The following PATZ1 variants were observed in gnomAD, a reference collection of about 807,000 sequenced individuals.
The protein encoded by PATZ1 is POZ/BTB and AT hook containing zinc finger 1, also known as POZ-, AT hook-, and zinc finger-containing protein 1.
Under a neutral mutation model 46.2 loss-of-function variants are expected in PATZ1, and 9 were observed. The ratio of observed to expected loss-of-function variants is 0.19; its 90% confidence interval spans 0.12 to 0.34. The LOEUF is 0.34. Among genes scored for constraint, PATZ1 ranks in the 10% least tolerant of loss-of-function variants. PATZ1 has a pLI of 1.00. For synonymous variants in PATZ1, 426 were observed against 378.6 expected (o/e 1.13, Z -1.45); for missense variants, 632 against 923.0 (o/e 0.68, Z 4.08).
rs574072107 is a variant in PATZ1, at chr22:31,327,702, C to T, written c.1646-393G>A. Among the ~76,000 whole-genome samples the T allele has an allele frequency of 1.3e-5, 2 of 152,216 alleles. No individual in the cohort carries two copies. Among genetic ancestry groups the T allele is most frequent in the Non-Finnish European group, 1.5e-5 (1 of 68,008 alleles). ...GGTAAAATTGGTATTCTGATGATGC[C>T]GAGCCAGTGTAATAGTAGCCTCGCC... On this transcript the variant is annotated intron_variant, in intron 4 of 4. Coordinates refer to ENST00000266269, the MANE Select transcript of PATZ1 (RefSeq NM_014323.3). The surrounding 1 kb of genome is among the most constrained non-coding windows in gnomAD (Gnocchi z 4.2).
chr22:31,342,575 CACA>C (rs1002298114), intron 2 of PATZ1, among the ~76,000 whole-genome samples: 4 of 152,150 alleles, frequency 2.6e-5, no homozygotes, highest in African/African-American at 9.7e-5. Flanking sequence ...GGTCTCCCAA[CACA>C]ACATCTGTGT....
chr22:31,341,778 A>G, intron 2 of PATZ1: 4 of 1,032,296 alleles, frequency 3.9e-6, no homozygotes, highest in Non-Finnish European at 5.7e-6. Context: ...CGGGCTAATC[A>G]GCACACTACC....
rs756897046 is a variant in PATZ1, at chr22:31,345,571, G to T, written c.32C>A (p.Pro11Gln). The T allele has an allele frequency of 1.9e-6, 3 of 1,597,668 alleles. No homozygotes were observed. In the African/African-American group the frequency reaches 4.0e-5, roughly 21 times the overall value. Residue 11 changes from proline to glutamine, a missense_variant, in exon 1 of 5, where the codon CCG becomes CAG. By Grantham distance (76) the Pro-to-Gln change is moderately conservative (BLOSUM62 -1). Coordinates refer to ENST00000266269, the MANE Select transcript of PATZ1 (RefSeq NM_014323.3). The surrounding 1 kb of genome is among the most constrained non-coding windows in gnomAD (Gnocchi z 7.4). MERVNDASCG[P>Q]SGCYTYQVSR... ...CACCTGGTATGTGTAGCAGCCAGAC[G>T]GGCCGCACGAAGCGTCGTTCACCCG... is the stretch of plus-strand genomic sequence containing the variant.
chr22:31,341,588 C>T (rs757530220), intron 2 of PATZ1: 3 of 1,614,018 alleles, frequency 1.9e-6, no homozygotes, highest in African/African-American at 1.3e-5. Flanking sequence ...CCGAATGGGA[C>T]GACCTCCACA....
chr22:31,335,936 T>C (rs2049503768), intron 2 of PATZ1, 73 bp from the exon 3 acceptor site: 3 of 1,436,932 alleles, frequency 2.1e-6, no homozygotes, highest in Admixed American at 3.6e-5. Flanking sequence ...AAGTGCACCA[T>C]GAAGCAAAGG....
intron 1 of PATZ1, among the ~76,000 whole-genome samples, chr22:31,344,050 G>A (rs990243319): frequency 6.6e-6 from 1 of 152,220 alleles, no homozygotes; most frequent in Non-Finnish European, 1.5e-5. Context: ...AGCCCTGGGG[G>A]AAGAATGGTG....
At chr22:31,344,082 AG>A (rs1367908558) in intron 1 of PATZ1, among the ~76,000 whole-genome samples, 1 of 152,194 alleles carries the variant, frequency 6.6e-6, no homozygotes, top group Non-Finnish European at 1.5e-5. Flanking sequence ...CTCTGGCCTG[AG>A]GAATCCGGCC....
In PATZ1 at chr22:31,327,004, G is replaced by T; in HGVS notation, c.1951C>A (p.Gln651Lys). Residue 651 changes from glutamine (Q) to lysine (K), a missense_variant, in exon 5 of 5, where the codon CAG becomes AAG. Gln to Lys is a moderately conservative substitution (Grantham distance 53). Around this residue, in one of 7 missense-constraint regions of PATZ1, gnomAD observed 176 missense variants for 249.4 expected, o/e 0.71. Coordinates refer to ENST00000266269, the MANE Select transcript of PATZ1 (RefSeq NM_014323.3). This position sits in a 1 kb window ranked among gnomAD's most constrained non-coding sequence, Gnocchi z 4.2. ...AAGGACTCGAGGAGAGACATGTTCT[G>T]CTGAGGAGAGAAAGGTGAGCCAAGG... ...PALGSPFSPQ[Q>K]NMSLLESFGF... The T allele has an allele frequency of 6.2e-7, 1 of 1,614,212 alleles. No homozygotes were observed. The highest frequency in any genetic ancestry group is 1.1e-5 in the South Asian group (1 of 91,086).
chr22:31,342,787 CGGTG>C, intron 2 of PATZ1, 106 bp downstream of exon 2: 1 of 1,119,766 alleles, frequency 8.9e-7, no homozygotes, highest in Admixed American at 1.9e-5. Context: ...GTGTGCAAAG[CGGTG>C]GGCGGTCAGC....
In PATZ1 at chr22:31,335,815, C is replaced by T; in HGVS notation, c.1384G>A (p.Ala462Thr). ...ATRDRLRSHL[A>T]CHEDKVPCQV... ...CAGGGCACCTTGTCTTCATGACAGG[C>T]CAGGTGGGAGCGCAGACGGTCTCGG... Residue 462 changes from alanine (A) to threonine (T), a missense_variant, in exon 3 of 5, where the codon GCC (alanine) becomes ACC (threonine). Around this residue, in one of 7 missense-constraint regions of PATZ1, gnomAD observed 55 missense variants for 169.0 expected, o/e 0.33. Coordinates refer to ENST00000266269, the MANE Select transcript of PATZ1 (RefSeq NM_014323.3). 1 of 1,614,020 alleles carries T rather than the reference C, an allele frequency of 6.2e-7. No homozygotes were observed. Among genetic ancestry groups the T allele is most frequent in the Non-Finnish European group, 8.5e-7 (1 of 1,179,982 alleles).
Position 31,344,726 on chromosome 22 carries a change from G to A in PATZ1, c.877C>T (p.Pro293Ser). ...AACACCTTACCACATAGACCGCATG[G>A]AAGGATGCCTGCCTCCCTCAGGCCC... is the stretch of plus-strand genomic sequence containing the variant. ...PGGLREAGIL[P>S]CGLCGKVFTD... is the part of the protein sequence containing the mutation. Residue 293 changes from proline (P) to serine (S), a missense_variant, in exon 1 of 5, where the codon CCA becomes TCA. Physicochemically the swap from Pro to Ser is moderately conservative, Grantham distance 74. Transcript: ENST00000266269. 1.2e-6 allele frequency: 2 copies of A among 1,611,370 alleles called. No homozygotes were observed. Among genetic ancestry groups the A allele is most frequent in the Non-Finnish European group, 1.7e-6 (2 of 1,178,202 alleles).
chr22:31,342,588 T>C (rs1382656773), intron 2 of PATZ1, among the ~76,000 whole-genome samples: 1 of 151,946 alleles, frequency 6.6e-6, no homozygotes, highest in Admixed American at 6.6e-5. Flanking sequence ...AACATCTGTG[T>C]GATACGGCCC....
chr22:31,337,279 G>A (rs538000166), intron 2 of PATZ1, among the ~76,000 whole-genome samples: 15 of 152,320 alleles, frequency 9.8e-5, no homozygotes, highest in Admixed American at 7.8e-4. Context: ...AGCCCTCCGA[G>A]GCAAGCTGTG....
At position 31,346,322 on chromosome 22, in the gene PATZ1, G is replaced by C. The variant is rs1242530969; in HGVS notation, c.-720C>G. Reference sequence around the variant, plus strand: ...GCGGCTGTGCGGCCCCGGGCTCCGTGTGTTCGGAGCGGAGGAAAGATGGCA... The same window carrying C: ...GCGGCTGTGCGGCCCCGGGCTCCGTCTGTTCGGAGCGGAGGAAAGATGGCA... On this transcript the variant is annotated 5_prime_UTR_variant, in exon 1 of 5. Coordinates refer to ENST00000266269, the MANE Select transcript of PATZ1 (RefSeq NM_014323.3). 1.9e-5 allele frequency: 3 copies of C among 154,238 alleles called. No individual in the cohort carries two copies. Among genetic ancestry groups the C allele is most frequent in the Non-Finnish European group, 4.3e-5 (3 of 69,356 alleles). The allele number at this position is 154,238 out of a possible 1,614,324, so 9.6% of individuals were successfully genotyped here.
In PATZ1 at chr22:31,345,710, T is replaced by G; in HGVS notation, c.-108A>C. 4 of 1,137,160 alleles carry G rather than the reference T, an allele frequency of 3.5e-6. No individual in the cohort carries two copies. The highest frequency in any genetic ancestry group is 4.8e-6 in the Non-Finnish European group (4 of 827,508). The allele number at this position is 1,137,160 out of a possible 1,614,324, so 70.4% of individuals were successfully genotyped here. A position where few individuals can be genotyped will look rare whatever the true frequency, so the allele number is the denominator to read the frequency against. ...CAGACGTGTCCACACTCCCCACACG[T>G]GCCGGCCCGAGGCTCTGTAGTCTCG... On this transcript the variant is annotated 5_prime_UTR_variant, in exon 1 of 5. Coordinates refer to ENST00000266269, the MANE Select transcript of PATZ1 (RefSeq NM_014323.3). This position sits in a 1 kb window ranked among gnomAD's most constrained non-coding sequence, Gnocchi z 7.4.
intron 2 of PATZ1, among the ~76,000 whole-genome samples, chr22:31,337,367 G>A (rs2049524373): frequency 1.3e-5 from 2 of 152,294 alleles, no homozygotes; most frequent in East Asian, 1.9e-4. Flanking sequence ...GGCCCCCGGG[G>A]TTGGATGAGT....
At position 31,327,083 on chromosome 22, in the gene PATZ1, G is replaced by T; in HGVS notation, c.1872C>A (p.Ile624=). 1 of 1,614,102 alleles carries T rather than the reference G, an allele frequency of 6.2e-7. No individual in the cohort carries two copies. The highest frequency in any genetic ancestry group is 8.5e-7 in the Non-Finnish European group (1 of 1,179,996). The change falls in exon 5 of 5, where the codon ATC becomes ATA. Residue 624 remains isoleucine, a synonymous_variant. Coordinates refer to ENST00000266269, the MANE Select transcript of PATZ1 (RefSeq NM_014323.3). This position sits in a 1 kb window ranked among gnomAD's most constrained non-coding sequence, Gnocchi z 4.2. The part of the protein sequence containing the change: ...FRSKSYLNKH[I]QKVHVRALGG... ...CGAGAGCCCGGACATGCACCTTCTG[G>T]ATGTGTTTGTTCAAGTAGGACTTAG...
At chr22:31,343,496 C>T in intron 1 of PATZ1, 1 of 945,780 alleles carries the variant, frequency 1.1e-6, no homozygotes, top group South Asian at 4.9e-5. Flanking sequence ...TGGGCAGGGG[C>T]TGCCTGACCG....
chr22:31,329,782 T>G (rs556099373), intron 3 of PATZ1, among the ~76,000 whole-genome samples: 4 of 152,270 alleles, frequency 2.6e-5, no homozygotes, highest in African/African-American at 9.6e-5. Flanking sequence ...TTGGGCCAAC[T>G]TCCACAGCAG....
Sources: gnomAD v4.1 joint callset for allele counts (sites outside exome capture counted in the v4.1 genomes callset) on GRCh38, gnomAD v4.1.1 for gene constraint, gnomAD v4.1.1 regional missense constraint, Gnocchi (gnomAD v3.1) non-coding constraint, MANE v1.5 for transcripts, NCBI Gene and HGNC (gene_info 2026-07-23, HGNC 2026-07-21) for gene names.